UACA: variants seen among roughly 807,000 people sequenced by gnomAD.
The protein encoded by UACA is nuclear membrane binding protein.
Under a neutral mutation model 160.5 loss-of-function variants are expected in UACA, and 112 were observed. The observed-to-expected ratio is 0.70, with a 90% CI of 0.60 to 0.82. UACA has a LOEUF of 0.82. Ranked by LOEUF, UACA falls within the 40% of genes least tolerant of loss-of-function variation. The pLI is 0.00. For synonymous variants in UACA, 557 were observed against 568.4 expected (o/e 0.98, Z 0.29); for missense variants, 1,574 against 1,614.6 (o/e 0.97, Z 0.43).
In UACA at chr15:70,735,290, G is replaced by A. The variant is rs888942835; in HGVS notation, c.78+28040C>T. ...CAAGATCAATCATACCACAAACCTC[G>A]GCAACACACAATACACCCAAGTAAC... is the stretch of plus-strand genomic sequence containing the variant. On this transcript the variant is annotated intron_variant, in intron 1 of 18. Coordinates refer to ENST00000322954, the MANE Select transcript of UACA (RefSeq NM_018003.4). 7.3e-5 allele frequency among the ~76,000 whole-genome samples: 11 copies of A among 151,016 alleles called. 1 individual carries two copies. In the South Asian group the frequency reaches 8.4e-4, roughly 12 times the overall value.
chr15:70,661,214 T>C (rs1307259812), intron 17 of UACA: 1 of 152,226 alleles, frequency 6.6e-6, no homozygotes, highest in Non-Finnish European at 1.5e-5. Flanking sequence ...CTTTAAAAAC[T>C]AGCTTCTACC....
At chr15:70,670,883 T>A (rs1380492443) in intron 15 of UACA, among the ~76,000 whole-genome samples, 156 bp downstream of exon 15, 1 of 152,138 alleles carries the variant, frequency 6.6e-6, no homozygotes, top group East Asian at 1.9e-4. Flanking sequence ...CTGTTTTTAT[T>A]AAACTCAAGA....
chr15:70,767,310 C>G (rs950849523), upstream of UACA, among the ~76,000 whole-genome samples: 1 of 151,050 alleles, frequency 6.6e-6, no homozygotes, highest in Non-Finnish European at 1.5e-5. Context: ...ACACACAGGC[C>G]GGGCATGGTG....
intron 1 of UACA, among the ~76,000 whole-genome samples, chr15:70,743,146 A>G (rs1899590213): frequency 6.6e-6 from 1 of 152,036 alleles, no homozygotes; most frequent in African/African-American, 2.4e-5. Context: ...TTCTTCTCAC[A>G]TGGCCCCGTC....
intron 13 of UACA, 127 bp from the exon 14 acceptor site, chr15:70,672,128 C>T (rs184144050): frequency 3.3e-4 from 227 of 691,096 alleles, no homozygotes; most frequent in Admixed American, 6.4e-4. Context: ...TTCTCCAGAG[C>T]ATTATTCTAC....
chr15:70,713,819 T>C (rs915154937), intron 1 of UACA, among the ~76,000 whole-genome samples: 12 of 152,218 alleles, frequency 7.9e-5, no homozygotes, highest in Admixed American at 4.6e-4. Flanking sequence ...CTTAATATAA[T>C]AGATATCTTA....
chr15:70,765,260 G>C (rs1470551395), upstream of UACA, among the ~76,000 whole-genome samples: 2 of 152,038 alleles, frequency 1.3e-5, no homozygotes, highest in Non-Finnish European at 2.9e-5. Context: ...TGATTGGTAG[G>C]GGATGTCGGG....
the UACA span, among the ~76,000 whole-genome samples, chr15:70,774,179 G>T: frequency 6.6e-6 from 1 of 152,114 alleles, no homozygotes; most frequent in Admixed American, 6.5e-5. Context: ...GCAAAGAAAT[G>T]AGCAATATAT....
chr15:70,703,303 G>A, intron 1 of UACA: 5 of 1,279,374 alleles, frequency 3.9e-6, no homozygotes, highest in Non-Finnish European at 5.1e-6. Flanking sequence ...TCCAACACAA[G>A]TGTTTACAGG....
At chr15:70,701,878 C>G (rs764552354) in intron 1 of UACA, 2 of 1,611,838 alleles carry the variant, frequency 1.2e-6, no homozygotes, top group South Asian at 2.2e-5. Context: ...GATACCTACT[C>G]TGTTCTTAGG....
At position 70,657,076 on chromosome 15, in the gene UACA, G is replaced by C. The variant is rs139824373; in HGVS notation, c.4231C>G (p.Arg1411Gly). 2 of 1,613,942 alleles carry C rather than the reference G, an allele frequency of 1.2e-6. No individual in the cohort carries two copies. Among genetic ancestry groups the C allele is most frequent in the East Asian group, 4.5e-5 (2 of 44,894 alleles). The stretch of plus-strand genomic sequence containing the variant: ...AACGGCTAGCACACAAGCCCCTGCC[G>C]CATTTGTATGATCTGGAGCAGAGCC... The part of the protein sequence containing the change: ...QEALLQIIQM[R>G]QGLVC The change falls in exon 19 of 19, where the codon CGG (arginine) becomes GGG (glycine). Residue 1411 changes from arginine (R) to glycine (G), a missense_variant. Physicochemically the swap from Arg to Gly is moderately radical, Grantham distance 125. Coordinates refer to ENST00000322954, the MANE Select transcript of UACA (RefSeq NM_018003.4).
At chr15:70,699,419 C>G (rs749509187) in intron 2 of UACA, 108 bp downstream of exon 2, 666 of 1,313,206 alleles carry the variant, frequency 5.1e-4, no homozygotes, top group Non-Finnish European at 6.3e-4. Context: ...CAGGTTTTGG[C>G]AGAATTTCTT....
rs777804199 is a variant in UACA, at chr15:70,664,842, T to C, written c.3961-28A>G. On this transcript the variant is annotated intron_variant, in intron 16 of 18. Coordinates refer to ENST00000322954, the MANE Select transcript of UACA (RefSeq NM_018003.4). The stretch of plus-strand genomic sequence containing the variant: ...TTAAAAAAATGTTGTAGGAGAAATA[T>C]ATTATTCACTTATCATGTACAATGA... 12 of 1,586,122 alleles carry C rather than the reference T, an allele frequency of 7.6e-6. No homozygotes were observed. The South Asian group carries it at 9.0e-5, about 12-fold the overall frequency.
chr15:70,758,341 G>T (rs2030549954), intron 1 of UACA: 1 of 152,150 alleles, frequency 6.6e-6, no homozygotes, highest in South Asian at 2.1e-4. Context: ...GATAACCATA[G>T]GAAGTTGTCT....
chr15:70,662,966 T>A (rs938593140), intron 17 of UACA, among the ~76,000 whole-genome samples: 1 of 151,342 alleles, frequency 6.6e-6, no homozygotes, highest in South Asian at 2.1e-4. Flanking sequence ...GGACTTCATG[T>A]CTAAAACACC....
upstream of UACA, among the ~76,000 whole-genome samples, chr15:70,763,995 T>A (rs1324209031): frequency 6.6e-6 from 1 of 152,254 alleles, no homozygotes; most frequent in Non-Finnish European, 1.5e-5. Flanking sequence ...TTCAGTCTCC[T>A]GTTTTACTAC....
At chr15:70,696,380 G>A (rs569640743) in intron 2 of UACA, among the ~76,000 whole-genome samples, 60 of 152,088 alleles carry the variant, frequency 3.9e-4, no homozygotes, top group Middle Eastern at 6.8e-3. Context: ...TACATCCCCC[G>A]AACCAATAAC....
chr15:70,763,287 C>T, intron 1 of UACA, 43 bp downstream of exon 1: 3 of 1,315,668 alleles, frequency 2.3e-6, no homozygotes, highest in Non-Finnish European at 2.9e-6. Context: ...GGCTGCGCTG[C>T]TCCCGGAGCG....
At chr15:70,742,581 C>A (rs1899570734) in intron 1 of UACA, among the ~76,000 whole-genome samples, 1 of 151,830 alleles carries the variant, frequency 6.6e-6, no homozygotes, top group Non-Finnish European at 1.5e-5. Flanking sequence ...TTATAAGTTG[C>A]ATTAATATAT....
Sources: gnomAD v4.1 joint callset for allele counts (sites outside exome capture counted in the v4.1 genomes callset) on GRCh38, gnomAD v4.1.1 for gene constraint, MANE v1.5 for transcripts, NCBI Gene and HGNC (gene_info 2026-07-23, HGNC 2026-07-21) for gene names.